SLC37A2: variants seen among roughly 807,000 people sequenced by gnomAD.
The protein encoded by SLC37A2 is solute carrier family 37 member 2, also known as glucose-6-phosphate exchanger SLC37A2.
SLC37A2 carries 59 observed loss-of-function variants against 70.7 expected under a neutral mutation model. The ratio of observed to expected loss-of-function variants is 0.83; its 90% CI spans 0.68 to 1.04. The LOEUF (loss-of-function observed/expected upper bound fraction) is 1.04, where lower values mean the gene tolerates loss of function less well. SLC37A2 is among the 50% of genes least tolerant of loss of function. The pLI, the probability that SLC37A2 is intolerant of heterozygous loss-of-function variation, is 0.00. For synonymous variants in SLC37A2, 257 were observed against 262.1 expected (o/e 0.98, Z 0.19); for missense variants, 580 against 658.1 (o/e 0.88, Z 1.30).
Position 125,079,242 on chromosome 11 carries a change from A to G in SLC37A2, c.445A>G (p.Ile149Val). 6.2e-7 allele frequency: 1 copy of G among 1,614,108 alleles called. No homozygotes were observed. Among genetic ancestry groups the G allele is most frequent in the Non-Finnish European group, 8.5e-7 (1 of 1,179,994 alleles). ...CCACGAGCTCTGGTACTTTGTGGTC[A>G]TCCAGGTATGAATCACCGTCTTGCA... is the stretch of plus-strand genomic sequence containing the variant. ...NIHELWYFVVIQVCNGLVQTT... is the reference protein window; with the variant it reads ...NIHELWYFVVVQVCNGLVQTT... The change falls in exon 5 of 18, where the codon ATC becomes GTC. Residue 149 changes from isoleucine (I) to valine (V), a missense_variant. By Grantham distance (29) the Ile-to-Val change is conservative (BLOSUM62 3). Transcript: ENST00000403796.
At chr11:125,075,525 C>T (rs1949074933) in intron 1 of SLC37A2, among the ~76,000 whole-genome samples, 2 of 152,120 alleles carry the variant, frequency 1.3e-5, no homozygotes, top group African/African-American at 4.8e-5. Flanking sequence ...GTTGCACCTT[C>T]ATGCTGGATG....
intron 1 of SLC37A2, among the ~76,000 whole-genome samples, chr11:125,072,452 G>T (rs910336971): frequency 6.6e-6 from 1 of 152,202 alleles, no homozygotes; most frequent in African/African-American, 2.4e-5. Flanking sequence ...CCCATCTGGA[G>T]CAGCCGGGGG....
chr11:125,068,376 C>T (rs764379965), intron 1 of SLC37A2, among the ~76,000 whole-genome samples: 4 of 152,144 alleles, frequency 2.6e-5, no homozygotes, highest in South Asian at 2.1e-4. Context: ...ATTTGGATTC[C>T]TATCAAACAC....
chr11:125,063,396 G>C lies in SLC37A2; in HGVS notation c.29G>C (p.Trp10Ser). The C allele has an allele frequency of 5.0e-6, 8 of 1,611,952 alleles. No individual in the cohort carries two copies. Among genetic ancestry groups the C allele is most frequent in the Non-Finnish European group, 5.9e-6 (7 of 1,179,246 alleles). The change falls in exon 1 of 18, where the codon TGG (tryptophan) becomes TCG (serine). Residue 10 changes from tryptophan to serine, a missense_variant. Coordinates refer to ENST00000403796, the MANE Select transcript of SLC37A2 (RefSeq NM_001145290.2). This position sits in a 1 kb window ranked among gnomAD's most constrained non-coding sequence, Gnocchi z 5.4. MRSSLAPGV[W>S]FFRAFSRDSW... ...CGGTCCTCCCTGGCTCCGGGAGTCTGGTTCTTCCGGGCCTTCTCCAGGGAC... is the reference window on the plus strand; with the variant it reads ...CGGTCCTCCCTGGCTCCGGGAGTCTCGTTCTTCCGGGCCTTCTCCAGGGAC...
chr11:125,084,384 C>T, intron 12 of SLC37A2, 65 bp downstream of exon 12: 1 of 1,522,952 alleles, frequency 6.6e-7, no homozygotes, highest in Non-Finnish European at 9.1e-7. Flanking sequence ...GGCCTCTGGC[C>T]TATGTGCACG....
rs145370935 is a variant in SLC37A2 at position 125,086,098 on chromosome 11, C to T, written c.1490+80C>T. On this transcript the variant is annotated intron_variant, in intron 17 of 17. Transcript: ENST00000403796. ...CAGCCCAGCGCTCAGTTTCTCCAAACGCAGGCTGAGGCTCGACCAGCCCAG... is the reference window on the plus strand; with the variant it reads ...CAGCCCAGCGCTCAGTTTCTCCAAATGCAGGCTGAGGCTCGACCAGCCCAG... The T allele has an allele frequency of 1.1e-4, 178 of 1,559,520 alleles. 1 individual carries two copies. Among genetic ancestry groups the T allele is most frequent in the African/African-American group, 9.1e-4 (67 of 73,894 alleles).
intron 6 of SLC37A2, among the ~76,000 whole-genome samples, 184 bp downstream of exon 6, chr11:125,079,944 T>C (rs1001600731): frequency 6.6e-6 from 1 of 152,202 alleles, no homozygotes; most frequent in African/African-American, 2.4e-5. Context: ...CTTTAACCCA[T>C]AGAGCAGGCA....
intron 1 of SLC37A2, among the ~76,000 whole-genome samples, chr11:125,072,372 G>C (rs541126131): frequency 1.2e-4 from 19 of 152,262 alleles, no homozygotes; most frequent in South Asian, 4.2e-4. Flanking sequence ...GTATCCGGTG[G>C]GGGGGAGGTG....
chr11:125,086,440 G>A, intron 17 of SLC37A2: 1 of 622,342 alleles, frequency 1.6e-6, no homozygotes, highest in Non-Finnish European at 2.9e-6. Context: ...GGTCTGAGAT[G>A]CCACAGAGGT....
At position 125,089,711 on chromosome 11, in the gene SLC37A2, CT is replaced by C. The variant is rs2135581751; in HGVS notation, c.*1578del. ...CACCTGCGCTGTGCTTGATTTCTCG[CT>C]GGGCCTTAGCTGCCTTCCCGCGGGG... is the stretch of plus-strand genomic sequence containing the variant. On this transcript the variant is annotated 3_prime_UTR_variant, in exon 18 of 18. Transcript: ENST00000403796. The C allele has an allele frequency of 6.5e-6, 1 of 153,454 alleles. No individual in the cohort carries two copies. The allele number at this position is 153,454 out of a possible 1,614,324, so 9.5% of individuals were successfully genotyped here.
chr11:125,069,824 G>A (rs887299196), intron 1 of SLC37A2, among the ~76,000 whole-genome samples: 9 of 152,254 alleles, frequency 5.9e-5, no homozygotes, highest in African/African-American at 2.2e-4. Context: ...CCAGGAAGAT[G>A]TTGCTCTCCT....
At chr11:125,073,182 T>G (rs779803573) in intron 1 of SLC37A2, among the ~76,000 whole-genome samples, 10 of 152,162 alleles carry the variant, frequency 6.6e-5, no homozygotes, top group Admixed American at 5.9e-4. Context: ...GGACCCCTAC[T>G]GACTTTCCTG....
Position 125,085,593 on chromosome 11 carries a change from T to A in SLC37A2, c.1344T>A (p.Pro448=), listed in dbSNP as rs758507269. The change falls in exon 16 of 18, where the codon CCT becomes CCA. Residue 448 remains proline (P), a synonymous_variant. Transcript: ENST00000403796. ...TCCATTCAGGTGCGGCTCTGGGGCCTCTGCTGGCTGGGCTCATCTCCCCCA... is the reference window on the plus strand; with the variant it reads ...TCCATTCAGGTGCGGCTCTGGGGCCACTGCTGGCTGGGCTCATCTCCCCCA... ...GTGSIGAALG[P]LLAGLISPTG... 1 of 1,613,884 alleles carries A rather than the reference T, an allele frequency of 6.2e-7. No individual in the cohort carries two copies. The highest frequency in any genetic ancestry group is 2.2e-5 in the East Asian group (1 of 44,824).
chr11:125,085,428 G>T lies in SLC37A2; in HGVS notation c.1282G>T (p.Ala428Ser), dbSNP rs371666898. ...CAAGAGCCTGAAGGGCAACGCCAAAGCCCTGTCCACGGTCACGGCCATCAT... is the reference window on the plus strand; with the variant it reads ...CAAGAGCCTGAAGGGCAACGCCAAATCCCTGTCCACGGTCACGGCCATCAT... ...THKSLKGNAK[A>S]LSTVTAIIDG... The change falls in exon 15 of 18, where the codon GCC becomes TCC. Residue 428 changes from alanine (A) to serine (S), a missense_variant. Physicochemically the swap from Ala to Ser is moderately conservative, Grantham distance 99 (BLOSUM62 1). Coordinates refer to ENST00000403796, the MANE Select transcript of SLC37A2 (RefSeq NM_001145290.2). The T allele has an allele frequency of 2.5e-6, 4 of 1,613,902 alleles. No homozygotes were observed. Among genetic ancestry groups the T allele is most frequent in the Non-Finnish European group, 3.4e-6 (4 of 1,180,008 alleles).
In SLC37A2 at chr11:125,076,781, G is replaced by C; in HGVS notation, c.84G>C (p.Leu28=). 1 of 1,614,158 alleles carries C rather than the reference G, an allele frequency of 6.2e-7. No homozygotes were observed. Among genetic ancestry groups the C allele is most frequent in the African/African-American group, 1.3e-5 (1 of 75,048 alleles). The change falls in exon 2 of 18, where the codon CTG becomes CTC. Residue 28 remains leucine, a synonymous_variant. Transcript: ENST00000403796. ...DSWFRGLILL[L]TFLIYACYHM... ...GGTTCCGAGGCCTCATCCTGCTGCT[G>C]ACCTTCCTAATTTACGCCTGCTATC...
chr11:125,082,003 A>G (rs772665275), intron 9 of SLC37A2, 97 bp downstream of exon 9: 135 of 1,405,040 alleles, frequency 9.6e-5, no homozygotes, highest in Non-Finnish European at 1.3e-4. Flanking sequence ...ATTTTTCTAG[A>G]ACTTCTTTAT....
Position 125,065,503 on chromosome 11 carries a change from C to A in SLC37A2, c.59+2077C>A, listed in dbSNP as rs114736763. Among the ~76,000 whole-genome samples the A allele has an allele frequency of 1.4e-3, 209 of 152,310 alleles. 2 individuals carry two copies. The highest frequency in any genetic ancestry group is 4.9e-3 in the African/African-American group (202 of 41,562). On this transcript the variant is annotated intron_variant, in intron 1 of 17. Coordinates refer to ENST00000403796, the MANE Select transcript of SLC37A2 (RefSeq NM_001145290.2). ...CTGTACTGATGTATTTGGGCAAATTCCTCTTCTCAGGGTCCCCATAATATC... is the reference window on the plus strand; with the variant it reads ...CTGTACTGATGTATTTGGGCAAATTACTCTTCTCAGGGTCCCCATAATATC...
rs1210555532 is a variant in SLC37A2, at chr11:125,082,232, TG to T, written c.886-11del. 6.2e-7 allele frequency: 1 copy of T among 1,613,420 alleles called. No homozygotes were observed. Among genetic ancestry groups the T allele is most frequent in the South Asian group, 1.1e-5 (1 of 91,050 alleles). ...GGACCCCTTCCCATGTGCCCCCTGT[TG>T]CACTCCCCAGGGCGTGGTCGAGTTC... On this transcript the variant is annotated splice_polypyrimidine_tract_variant and intron_variant, in intron 9 of 17. Transcript: ENST00000403796.
chr11:125,067,503 G>A (rs573294659), intron 1 of SLC37A2, among the ~76,000 whole-genome samples: 147 of 152,236 alleles, frequency 9.7e-4, no homozygotes, highest in Admixed American at 2.5e-3. Flanking sequence ...ACCTAGAGAA[G>A]GCTGAGCATC....
Sources: allele counts gnomAD v4.1 joint callset (sites outside exome capture counted in the v4.1 genomes callset), GRCh38; gene constraint gnomAD v4.1.1; non-coding constraint Gnocchi (gnomAD v3.1); transcripts MANE v1.5; gene names NCBI Gene and HGNC (gene_info 2026-07-23, HGNC 2026-07-21).